Variants in PDS5A observed in about 807,000 individuals in gnomAD.
The protein encoded by PDS5A is PDS5 cohesin associated factor A, also known as sister chromatid cohesion protein PDS5 homolog A.
In PDS5A, 42 loss-of-function variants were observed where a neutral mutation model predicts 167.1. The ratio of observed to expected loss-of-function variants is 0.25; its 90% CI spans 0.20 to 0.33. PDS5A has a LOEUF of 0.33. Among genes scored for constraint, PDS5A ranks in the 10% least tolerant of loss-of-function variants. The probability of loss-of-function intolerance (pLI) is 1.00; values close to 1 mark genes in which losing one functional copy is unlikely to be tolerated. For missense variants in PDS5A, 1,033 were observed against 1,605.9 expected (o/e 0.64, Z 6.10); for synonymous variants, 553 against 554.6 (o/e 1.00, Z 0.04).
At chr4:39,961,593 T>C (rs750830963) in intron 2 of PDS5A, among the ~76,000 whole-genome samples, 14 of 152,136 alleles carry the variant, frequency 9.2e-5, no homozygotes, top group Non-Finnish European at 1.6e-4. Flanking sequence ...TGGGTCTCAC[T>C]ATTTTGCCCA....
chr4:39,873,211 G>A lies in PDS5A; in HGVS notation c.2278-67C>T, dbSNP rs887175558. The A allele has an allele frequency of 1.6e-5, 16 of 986,904 alleles. No homozygotes were observed. In the Admixed American group the frequency reaches 2.2e-4, roughly 13 times the overall value. 61.1% of individuals were successfully genotyped at this position (986,904 alleles called of 1,614,324 possible). A position where few individuals can be genotyped will look rare whatever the true frequency, so the allele number is the denominator to read the frequency against. On this transcript the variant is annotated intron_variant, in intron 20 of 32. Transcript: ENST00000303538. ...AATATCTAGACACTCTACTGAAACA[G>A]TACATTTTCCTGAGTCCTCCTGAAT...
intron 2 of PDS5A, among the ~76,000 whole-genome samples, chr4:39,954,346 C>G (rs192855359): frequency 1.4e-4 from 22 of 152,050 alleles, no homozygotes; most frequent in South Asian, 4.1e-4. Flanking sequence ...GGTGACAGAG[C>G]GAGACCCTGT....
At chr4:39,948,105 A>G (rs1241243603) in intron 2 of PDS5A, among the ~76,000 whole-genome samples, 4 of 151,738 alleles carry the variant, frequency 2.6e-5, no homozygotes, top group African/African-American at 9.7e-5. Flanking sequence ...TTTAAAAATT[A>G]GCTGGGTATG....
At position 39,891,505 on chromosome 4, in the gene PDS5A, G is replaced by A. The variant is rs190049434; in HGVS notation, c.1771-1141C>T. On this transcript the variant is annotated intron_variant, in intron 16 of 32. Coordinates refer to ENST00000303538, the MANE Select transcript of PDS5A (RefSeq NM_001100399.2). Reference sequence around the variant, plus strand: ...CTCTATTAAAAATACAAAATCAGCCGGGCTTGGTGGCGCATGCCTGTAATC... The same window carrying A: ...CTCTATTAAAAATACAAAATCAGCCAGGCTTGGTGGCGCATGCCTGTAATC... Among the ~76,000 whole-genome samples the A allele has an allele frequency of 4.3e-3, 647 of 151,924 alleles. 5 individuals are homozygous for A. Among genetic ancestry groups the A allele is most frequent in the Non-Finnish European group, 4.4e-3 (302 of 67,954 alleles).
intron 26 of PDS5A, among the ~76,000 whole-genome samples, chr4:39,860,913 T>C (rs1718931127): frequency 6.6e-6 from 1 of 151,292 alleles, no homozygotes. Context: ...CTACAAAAAA[T>C]ACAAAAATTA....
chr4:39,902,504 T>C, intron 12 of PDS5A, 44 bp from the exon 13 acceptor site: 1 of 995,090 alleles, frequency 1.0e-6, no homozygotes, highest in Admixed American at 2.4e-5. Context: ...GACACAATTA[T>C]TCCATTTTTA....
chr4:39,954,098 T>C (rs1323309677), intron 2 of PDS5A, among the ~76,000 whole-genome samples: 1 of 151,864 alleles, frequency 6.6e-6, no homozygotes, highest in Non-Finnish European at 1.5e-5. Context: ...CTCAGCACTT[T>C]GGGAGGCCGA....
chr4:39,857,575 T>C lies in PDS5A; in HGVS notation c.3086+4644A>G, dbSNP rs1028249677. Among the ~76,000 whole-genome samples, 7 of 152,148 alleles carry C rather than the reference T, an allele frequency of 4.6e-5. No homozygotes were observed. In the East Asian group the frequency reaches 1.2e-3, roughly 25 times the overall value. ...TGTAAAAGGATGTAAAGATATTTCA[T>C]GTAACAGTAACCATAAGAGAGATAA... On this transcript the variant is annotated intron_variant, in intron 26 of 32. Coordinates refer to ENST00000303538, the MANE Select transcript of PDS5A (RefSeq NM_001100399.2).
chr4:39,899,107 C>T (rs917259454), intron 14 of PDS5A, among the ~76,000 whole-genome samples: 2 of 151,968 alleles, frequency 1.3e-5, no homozygotes, highest in South Asian at 2.1e-4. Context: ...GTTACATTGC[C>T]AGAAGATTGA....
At chr4:39,966,202 T>C (rs1340433358) in intron 2 of PDS5A, among the ~76,000 whole-genome samples, 2 of 152,218 alleles carry the variant, frequency 1.3e-5, no homozygotes, top group African/African-American at 4.8e-5. Context: ...GAACTCAGAG[T>C]TAAAATTATA....
intron 30 of PDS5A, among the ~76,000 whole-genome samples, chr4:39,843,772 T>C (rs986719880): frequency 2.0e-5 from 3 of 152,188 alleles, no homozygotes; most frequent in Admixed American, 1.3e-4. Flanking sequence ...TTATTTTCTG[T>C]TAATTTTTCT....
chr4:39,868,578 C>G, intron 22 of PDS5A: 1 of 443,688 alleles, frequency 2.3e-6, no homozygotes, highest in Non-Finnish European at 4.5e-6. Flanking sequence ...ATCTGCCTGC[C>G]TCAGCCTCCC....
rs1715012503 is a variant in PDS5A at position 39,823,268 on chromosome 4, C to T, written c.*2217G>A. The stretch of plus-strand genomic sequence containing the variant: ...ACAAGTCCCTCCCCATCAGCTTGGT[C>T]TTTCCACAACCCTACTCTTGCTTCC... On this transcript the variant is annotated 3_prime_UTR_variant, in exon 33 of 33. Coordinates refer to ENST00000303538, the MANE Select transcript of PDS5A (RefSeq NM_001100399.2). The T allele has an allele frequency of 6.6e-6, 1 of 152,236 alleles. No homozygotes were observed. Among genetic ancestry groups the T allele is most frequent in the Non-Finnish European group, 1.5e-5 (1 of 68,040 alleles). The allele number at this position is 152,236 out of a possible 1,614,324, so 9.4% of individuals were successfully genotyped here.
intron 20 of PDS5A, 55 bp from the exon 21 acceptor site, chr4:39,873,199 T>C: frequency 1.8e-6 from 2 of 1,123,992 alleles, no homozygotes; most frequent in Non-Finnish European, 2.5e-6. Context: ...ATCTAGACAC[T>C]CTACTGAAAC....
intron 2 of PDS5A, among the ~76,000 whole-genome samples, chr4:39,938,714 G>A (rs896031878): frequency 6.6e-6 from 1 of 152,134 alleles, no homozygotes; most frequent in Non-Finnish European, 1.5e-5. Flanking sequence ...GCTCATGCCT[G>A]TAATCCCAGC....
At chr4:39,962,618 A>G (rs1729593368) in intron 2 of PDS5A, among the ~76,000 whole-genome samples, 1 of 151,622 alleles carries the variant, frequency 6.6e-6, no homozygotes, top group African/African-American at 2.4e-5. Flanking sequence ...ATCCTGGCCA[A>G]CATGGTGAAA....
At chr4:39,842,909 T>TTATATATATATATATATATATGTATA in intron 30 of PDS5A, among the ~76,000 whole-genome samples, 1 of 92,312 alleles carries the variant, frequency 1.1e-5, no homozygotes, top group African/African-American at 5.5e-5. Flanking sequence ...TATCCTATTT[T>TTATATATATATATATATATATGTATA]TATATATATA....
At chr4:39,863,259 A>G in intron 24 of PDS5A, 77 bp downstream of exon 24, 1 of 1,153,782 alleles carries the variant, frequency 8.7e-7, no homozygotes. Flanking sequence ...CACATTATAA[A>G]TGGATTTGTA....
At chr4:39,923,954 A>G (rs972026764) in intron 5 of PDS5A, among the ~76,000 whole-genome samples, 19 of 152,192 alleles carry the variant, frequency 1.2e-4, no homozygotes, top group African/African-American at 4.1e-4. Flanking sequence ...AATGCTTTCA[A>G]TAACTAGAAG....
Sources: gnomAD v4.1 joint callset for allele counts (sites outside exome capture counted in the v4.1 genomes callset) on GRCh38, gnomAD v4.1.1 for gene constraint, MANE v1.5 for transcripts, NCBI Gene and HGNC (gene_info 2026-07-23, HGNC 2026-07-21) for gene names.